The following NCOA7 variants were observed in gnomAD, a reference collection of about 807,000 sequenced individuals.
NCOA7 encodes the protein nuclear receptor coactivator 7, also known as 140 kDa estrogen receptor-associated protein.
In NCOA7, 45 loss-of-function variants were observed where a neutral mutation model predicts 104.3. The ratio of observed to expected loss-of-function variants is 0.43; its 90% confidence interval spans 0.34 to 0.55. The LOEUF (loss-of-function observed/expected upper bound fraction) is 0.55. Among genes scored for constraint, NCOA7 ranks in the 20% least tolerant of loss-of-function variants. The probability of loss-of-function intolerance (pLI) is 0.02; values close to 1 mark genes in which losing one functional copy is unlikely to be tolerated. For synonymous variants in NCOA7, 398 were observed against 402.3 expected (o/e 0.99, Z 0.13); for missense variants, 1,041 against 1,119.7 (o/e 0.93, Z 1.00).
chr6:125,813,701 C>T (rs538875847), intron 1 of NCOA7, among the ~76,000 whole-genome samples: 1 of 152,014 alleles, frequency 6.6e-6, no homozygotes, highest in East Asian at 1.9e-4. Context: ...CCACCCACCT[C>T]GGCCTCCCAA....
intron 1 of NCOA7, chr6:125,796,623 A>G (rs1683762966): frequency 6.6e-6 from 1 of 151,886 alleles, no homozygotes; most frequent in African/African-American, 2.4e-5. Context: ...CATGTTCAGT[A>G]CACAACCATC....
intron 2 of NCOA7, among the ~76,000 whole-genome samples, chr6:125,830,737 ATGTGTG>A (rs890797445): frequency 1.2e-4 from 11 of 93,042 alleles, no homozygotes; most frequent in African/African-American, 3.1e-4. Context: ...ATATATATAT[ATGTGTG>A]TGTGTGTGTG....
chr6:125,811,326 T>A (rs150956007), intron 1 of NCOA7, among the ~76,000 whole-genome samples: 1 of 152,344 alleles, frequency 6.6e-6, no homozygotes, highest in African/African-American at 2.4e-5. Flanking sequence ...ATTTTCTGCC[T>A]ACTTATGTGC....
At chr6:125,915,523 A>G (rs1271803004) in intron 11 of NCOA7, 43 bp downstream of exon 11, 1 of 1,610,026 alleles carries the variant, frequency 6.2e-7, no homozygotes, top group East Asian at 2.2e-5. Flanking sequence ...TTCCTAAGGT[A>G]CAGTAAGCAG....
intron 2 of NCOA7, among the ~76,000 whole-genome samples, chr6:125,841,818 G>A (rs763112102): frequency 1.4e-4 from 21 of 152,126 alleles, no homozygotes; most frequent in Non-Finnish European, 2.2e-4. Context: ...CTAAGATGTT[G>A]AATGGACATG....
intron 8 of NCOA7, among the ~76,000 whole-genome samples, chr6:125,885,837 T>G (rs1784211795): frequency 6.6e-6 from 1 of 152,206 alleles, no homozygotes; most frequent in Admixed American, 6.5e-5. Context: ...CACCTTCTCA[T>G]GCTGTGAAGA....
intron 3 of NCOA7, among the ~76,000 whole-genome samples, chr6:125,859,025 T>C (rs1310989600): frequency 2.6e-5 from 4 of 152,174 alleles, no homozygotes; most frequent in Non-Finnish European, 5.9e-5. Context: ...GGGATTTACC[T>C]TGTAGTCAGT....
intron 2 of NCOA7, among the ~76,000 whole-genome samples, chr6:125,833,236 T>A (rs1296740900): frequency 6.6e-6 from 1 of 152,108 alleles, no homozygotes; most frequent in Non-Finnish European, 1.5e-5. Flanking sequence ...ATAAATTTGC[T>A]TATTATGAAG....
Position 125,855,124 on chromosome 6 carries a change from C to A in NCOA7, c.155C>A (p.Pro52Gln), listed in dbSNP as rs147393001. Residue 52 changes from proline to glutamine, a missense_variant, in exon 3 of 16, where the codon CCA becomes CAA. By Grantham distance (76) the Pro-to-Gln change is moderately conservative (BLOSUM62 -1). Coordinates refer to ENST00000392477, the MANE Select transcript of NCOA7 (RefSeq NM_181782.5). ...GATAATAATACAGTAGTTTTAGAGC[C>A]AGACAAGTGCAACATTGCTGTGGAA... ...KEDNNTVVLE[P>Q]DKCNIAVEEE... 5.3e-5 allele frequency: 86 copies of A among 1,612,858 alleles called. No individual in the cohort carries two copies. Among genetic ancestry groups the A allele is most frequent in the Non-Finnish European group, 6.7e-5 (79 of 1,179,722 alleles).
chr6:125,793,165 T>G (rs1439975520), intron 1 of NCOA7, among the ~76,000 whole-genome samples: 1 of 152,202 alleles, frequency 6.6e-6, no homozygotes, highest in Non-Finnish European at 1.5e-5. Context: ...AAAATTAATT[T>G]GTTATGATTT....
At chr6:125,821,495 G>C (rs756342747) in intron 2 of NCOA7, among the ~76,000 whole-genome samples, 2 of 152,154 alleles carry the variant, frequency 1.3e-5, no homozygotes, top group Non-Finnish European at 2.9e-5. Context: ...GGGTTGCATA[G>C]ATTTCTGTGG....
At chr6:125,864,023 G>A (rs549236262) in intron 3 of NCOA7, among the ~76,000 whole-genome samples, 1 of 136,366 alleles carries the variant, frequency 7.3e-6, no homozygotes, top group Non-Finnish European at 1.6e-5. Context: ...GGTTTTTTTG[G>A]GGGGGGCAGT....
Position 125,890,796 on chromosome 6 carries a change from T to G in NCOA7, c.2082T>G (p.Ala694=). ...KRRKQPEYWF[A]VPRERVDHLY... ...GAAAGCAGCCAGAGTACTGGTTTGCTGTTCCTCGGGAGAGGTGAGTATGGG... is the reference window on the plus strand; with the variant it reads ...GAAAGCAGCCAGAGTACTGGTTTGCGGTTCCTCGGGAGAGGTGAGTATGGG... The change falls in exon 10 of 16, where the codon GCT becomes GCG. Residue 694 remains alanine (A), a synonymous_variant. Coordinates refer to ENST00000392477, the MANE Select transcript of NCOA7 (RefSeq NM_181782.5). 6.2e-7 allele frequency: 1 copy of G among 1,609,120 alleles called. No homozygotes were observed. The highest frequency in any genetic ancestry group is 1.1e-5 in the South Asian group (1 of 90,164).
chr6:125,845,649 T>C (rs1484534975), intron 2 of NCOA7, among the ~76,000 whole-genome samples: 1 of 152,138 alleles, frequency 6.6e-6, no homozygotes, highest in Non-Finnish European at 1.5e-5. Context: ...TGGTGCTGCA[T>C]GCCTGCAATC....
At chr6:125,810,808 C>T (rs1225679573) in intron 1 of NCOA7, among the ~76,000 whole-genome samples, 1 of 152,060 alleles carries the variant, frequency 6.6e-6, no homozygotes, top group African/African-American at 2.4e-5. Flanking sequence ...ACAAAAATTT[C>T]CAGAAACTTA....
At chr6:125,900,049 C>T (rs746443086) in intron 10 of NCOA7, 3 of 532,844 alleles carry the variant, frequency 5.6e-6, no homozygotes, top group African/African-American at 1.9e-5. Flanking sequence ...GTAATGATTG[C>T]AAACCTAAAT....
chr6:125,920,834 G>C, intron 11 of NCOA7, 109 bp from the exon 12 acceptor site: 1 of 1,398,140 alleles, frequency 7.2e-7, no homozygotes, highest in Non-Finnish European at 9.6e-7. Flanking sequence ...ATTTCCTGCT[G>C]CCGAAGCGTC....
intron 1 of NCOA7, among the ~76,000 whole-genome samples, chr6:125,785,092 C>T (rs1774401420): frequency 6.6e-6 from 1 of 152,104 alleles, no homozygotes; most frequent in South Asian, 2.1e-4. Context: ...AATCCCAGCA[C>T]TTTGGGAGGC....
chr6:125,903,820 C>T (rs1785724018), intron 10 of NCOA7, among the ~76,000 whole-genome samples: 1 of 151,858 alleles, frequency 6.6e-6, no homozygotes. Flanking sequence ...ATTCTTCTGC[C>T]TCAGCCTCCC....
Sources: gnomAD v4.1 joint callset for allele counts (sites outside exome capture counted in the v4.1 genomes callset) on GRCh38, gnomAD v4.1.1 for gene constraint, MANE v1.5 for transcripts, NCBI Gene and HGNC (gene_info 2026-07-23, HGNC 2026-07-21) for gene names.